NME7: variants seen among roughly 807,000 people sequenced by gnomAD.
NME7 encodes the protein NME/NM23 family member 7, also known as nucleoside diphosphate kinase 7.
NME7 carries 41 observed loss-of-function variants against 49.1 expected under a neutral mutation model. The observed-to-expected ratio is 0.83, with a 90% confidence interval of 0.65 to 1.08. The LOEUF is 1.08. Ranked by LOEUF, NME7 falls within the 50% of genes least tolerant of loss-of-function variation. NME7 has a pLI of 0.00. For synonymous variants in NME7, 139 were observed against 150.6 expected, an observed-to-expected ratio of 0.92 and a Z score of 0.56; for missense variants, 423 against 463.4, an observed-to-expected ratio of 0.91 and a Z score of 0.80.
chr1:169,318,692 TG>T (rs1228288039), intron 3 of NME7, among the ~76,000 whole-genome samples: 1 of 152,108 alleles, frequency 6.6e-6, no homozygotes, highest in Middle Eastern at 3.2e-3. Flanking sequence ...GTTTTACAGC[TG>T]GGGTGATGAC....
At chr1:169,226,601 G>A (rs181065229) in intron 10 of NME7, among the ~76,000 whole-genome samples, 1 of 152,296 alleles carries the variant, frequency 6.6e-6, no homozygotes, top group African/African-American at 2.4e-5. Context: ...CTTAGAAACA[G>A]AATGTAACTC....
At chr1:169,276,472 C>T (rs1233880116) in intron 7 of NME7, among the ~76,000 whole-genome samples, 2 of 133,434 alleles carry the variant, frequency 1.5e-5, no homozygotes, top group African/African-American at 2.5e-5. Context: ...AGTTTATTTG[C>T]GTAGAGGTGT....
chr1:169,317,029 A>C (rs1196902031), intron 3 of NME7, among the ~76,000 whole-genome samples: 1 of 152,138 alleles, frequency 6.6e-6, no homozygotes, highest in Non-Finnish European at 1.5e-5. Flanking sequence ...ACAGTAAAAT[A>C]GAAACATATA....
chr1:169,320,318 G>T (rs1444397440), intron 3 of NME7, among the ~76,000 whole-genome samples: 2 of 152,130 alleles, frequency 1.3e-5, no homozygotes, highest in Non-Finnish European at 1.5e-5. Context: ...ACAGTCAAAG[G>T]GAATTGGAAA....
intron 1 of NME7, among the ~76,000 whole-genome samples, chr1:169,349,267 A>G (rs1230813869): frequency 6.6e-6 from 1 of 152,182 alleles, no homozygotes; most frequent in Admixed American, 6.5e-5. Context: ...GGACTTTAGG[A>G]AACATTTTAA....
intron 11 of NME7, among the ~76,000 whole-genome samples, chr1:169,156,798 A>G (rs1237511485): frequency 6.6e-6 from 1 of 152,190 alleles, no homozygotes; most frequent in East Asian, 1.9e-4. Flanking sequence ...CTCCTTATCC[A>G]AGATTCTTTT....
At chr1:169,305,874 A>G (rs1467482481) in intron 4 of NME7, among the ~76,000 whole-genome samples, 1 of 152,204 alleles carries the variant, frequency 6.6e-6, no homozygotes, top group East Asian at 1.9e-4. Context: ...ATCTGCTAAC[A>G]TCCATGGAAG....
At chr1:169,308,131 T>C (rs747658169) in intron 4 of NME7, among the ~76,000 whole-genome samples, 9 of 152,144 alleles carry the variant, frequency 5.9e-5, no homozygotes. Context: ...GTCTAAATAC[T>C]GTGCTCTGAA....
intron 4 of NME7, among the ~76,000 whole-genome samples, chr1:169,304,243 AC>A (rs1359987146): frequency 7.2e-5 from 11 of 152,212 alleles, no homozygotes; most frequent in Admixed American, 5.9e-4. Flanking sequence ...TTAAAAGCAA[AC>A]CAGATGACTC....
chr1:169,342,879 TATATATACATATATACAA>T (rs1256734306), intron 1 of NME7, among the ~76,000 whole-genome samples: 2 of 82,440 alleles, frequency 2.4e-5, no homozygotes, highest in African/African-American at 7.5e-5. Context: ...ATATATATAG[TATATATACATATATACAA>T]GTACATATAT....
At position 169,134,339 on chromosome 1, in the gene NME7, G is replaced by A. The variant is rs1292518189; in HGVS notation, c.1099-1522C>T. Among the ~76,000 whole-genome samples the A allele has an allele frequency of 2.6e-5, 4 of 152,264 alleles. No homozygotes were observed. The East Asian group carries it at 7.7e-4, about 29-fold the overall frequency. On this transcript the variant is annotated intron_variant, in intron 11 of 11. Coordinates refer to ENST00000367811, the MANE Select transcript of NME7 (RefSeq NM_013330.5). The stretch of plus-strand genomic sequence containing the variant: ...CAGTTTATTCTGACCCTCAGTAGAT[G>A]ACATATTTCATGGGTGTAGGGACAG...
chr1:169,274,930 G>T (rs1478310877), intron 7 of NME7, among the ~76,000 whole-genome samples: 1 of 133,306 alleles, frequency 7.5e-6, no homozygotes, highest in African/African-American at 2.5e-5. Context: ...TTTTGGCTTA[G>T]GATTGAGTTG....
At chr1:169,304,754 T>C (rs1305612347) in intron 4 of NME7, among the ~76,000 whole-genome samples, 2 of 152,292 alleles carry the variant, frequency 1.3e-5, no homozygotes, top group African/African-American at 4.8e-5. Flanking sequence ...ACAAGAAGAT[T>C]TGAACCCAAA....
intron 7 of NME7, among the ~76,000 whole-genome samples, chr1:169,241,793 A>G (rs1439565110): frequency 1.3e-5 from 2 of 151,948 alleles, no homozygotes; most frequent in Non-Finnish European, 2.9e-5. Context: ...ATGTTAGTGC[A>G]ATTCAAAATT....
At chr1:169,243,232 C>G (rs1220062474) in intron 7 of NME7, among the ~76,000 whole-genome samples, 3 of 151,896 alleles carry the variant, frequency 2.0e-5, no homozygotes, top group Admixed American at 6.6e-5. Flanking sequence ...AAAATAGAAC[C>G]ACACAAATAT....
In NME7 at chr1:169,197,421, G is replaced by A. The variant is rs184077220; in HGVS notation, c.991-27867C>T. On this transcript the variant is annotated intron_variant, in intron 10 of 11. Transcript: ENST00000367811. The stretch of plus-strand genomic sequence containing the variant: ...TAAAAACTACTCTGTGTGTGTGTGT[G>A]TATTCTTAGATGTCAACATTCTCTA... Among the ~76,000 whole-genome samples, 92 of 149,388 alleles carry A rather than the reference G, an allele frequency of 6.2e-4. 1 individual carries two copies. In the East Asian group the frequency reaches 0.018, roughly 30 times the overall value.
At chr1:169,219,619 C>T (rs967168626) in intron 10 of NME7, among the ~76,000 whole-genome samples, 2 of 152,118 alleles carry the variant, frequency 1.3e-5, no homozygotes, top group East Asian at 1.9e-4. Flanking sequence ...AGGCTAGTCT[C>T]GAGCTCCTGA....
At chr1:169,232,782 GA>G (rs1408178424) in intron 9 of NME7, among the ~76,000 whole-genome samples, 1 of 151,260 alleles carries the variant, frequency 6.6e-6, no homozygotes, top group Non-Finnish European at 1.5e-5. Flanking sequence ...TAGGCAGAAG[GA>G]AAAAAATGCC....
intron 1 of NME7, among the ~76,000 whole-genome samples, chr1:169,346,494 G>T (rs946922845): frequency 2.0e-5 from 3 of 152,104 alleles, no homozygotes; most frequent in Admixed American, 6.5e-5. Flanking sequence ...TCAAGACTTT[G>T]CTCAGGTATC....
Sources: allele counts gnomAD v4.1 joint callset (sites outside exome capture counted in the v4.1 genomes callset), GRCh38; gene constraint gnomAD v4.1.1; transcripts MANE v1.5; gene names NCBI Gene and HGNC (gene_info 2026-07-23, HGNC 2026-07-21).